Variants in OARD1 observed in about 807,000 individuals in gnomAD.
The protein encoded by OARD1 is O-acyl-ADP-ribose deacylase 1.
Under a neutral mutation model 19.7 loss-of-function variants are expected in OARD1, and 19 were observed. That is an observed-to-expected ratio of 0.96 (90% CI 0.67 to 1.41). The LOEUF (loss-of-function observed/expected upper bound fraction) is 1.41, where lower values mean the gene tolerates loss of function less well. OARD1 is among the 40% of genes most tolerant of loss of function. OARD1 has a pLI of 0.00. For synonymous variants in OARD1, 70 were observed against 61.8 expected, an observed-to-expected ratio of 1.13 and a Z score of -0.62; for missense variants, 190 against 183.8, an observed-to-expected ratio of 1.03 and a Z score of -0.20.
chr6:41,072,783 T>G (rs573846471), upstream of OARD1, among the ~76,000 whole-genome samples: 3 of 152,332 alleles, frequency 2.0e-5, no homozygotes, highest in African/African-American at 7.2e-5. Context: ...GGAAAGCGCC[T>G]GCGTATTCCT....
chr6:41,074,361 G>A (rs1420628765), upstream of OARD1, among the ~76,000 whole-genome samples: 1 of 152,166 alleles, frequency 6.6e-6, no homozygotes, highest in Non-Finnish European at 1.5e-5. Context: ...AGTACGTAGA[G>A]GTCAATAAGA....
chr6:41,069,947 T>C (rs1292271306), intron 4 of OARD1, 129 bp downstream of exon 4: 8 of 758,640 alleles, frequency 1.1e-5, no homozygotes, highest in South Asian at 2.9e-5. Flanking sequence ...AGGAAGCTTT[T>C]TGACATTCTT....
At chr6:41,073,392 C>G (rs1582014717), upstream of OARD1, among the ~76,000 whole-genome samples, 1 of 151,942 alleles carries the variant, frequency 6.6e-6, no homozygotes, top group African/African-American at 2.4e-5. Flanking sequence ...CGACTCAGGC[C>G]CAGGTTCTCA....
chr6:41,076,501 G>C (rs1449471389), upstream of OARD1, among the ~76,000 whole-genome samples: 1 of 152,182 alleles, frequency 6.6e-6, no homozygotes, highest in Non-Finnish European at 1.5e-5. Context: ...TTTCTGAAGA[G>C]GTTTTAGCTT....
At chr6:41,080,719 G>A (rs191717252) in intron 1 of OARD1, 10 of 1,038,654 alleles carry the variant, frequency 9.6e-6, no homozygotes, top group African/African-American at 7.8e-5. Context: ...TCAGGCTTCC[G>A]TCTCTCTCCT....
chr6:41,072,195 A>G (rs1477282667), intron 1 of OARD1, 41 bp downstream of exon 1: 1 of 154,726 alleles, frequency 6.5e-6, no homozygotes, highest in Non-Finnish European at 1.4e-5. Flanking sequence ...GCGTGGGAGA[A>G]GGAAAGAGTC....
Position 41,097,339 on chromosome 6 carries a change from T to C in OARD1, c.-42+374A>G, listed in dbSNP as rs369387499. On this transcript the variant is annotated intron_variant, in intron 1 of 4. Coordinates refer to the OARD1 transcript ENST00000480585. ...CTTTTGCAAAGGACTTTAATCATCATGTCATCTTTGTCTCTAGGATCCAAA... is the reference window on the plus strand; with the variant it reads ...CTTTTGCAAAGGACTTTAATCATCACGTCATCTTTGTCTCTAGGATCCAAA... The C allele has an allele frequency of 5.0e-6, 8 of 1,613,650 alleles. No homozygotes were observed. The African/African-American group carries it at 1.1e-4, about 22-fold the overall frequency.
At chr6:41,089,433 C>T in intron 1 of OARD1, 1 of 753,778 alleles carries the variant, frequency 1.3e-6, no homozygotes. Flanking sequence ...TAAGTTGTGT[C>T]TACTTCATAA....
At chr6:41,084,558 A>G (rs1361190066) in intron 1 of OARD1, among the ~76,000 whole-genome samples, 3 of 152,286 alleles carry the variant, frequency 2.0e-5, no homozygotes, top group African/African-American at 4.8e-5. Context: ...AAACTGACGT[A>G]TAGAAAGGAT....
intron 1 of OARD1, among the ~76,000 whole-genome samples, chr6:41,089,883 G>A (rs1169126488): frequency 6.6e-6 from 1 of 152,212 alleles, no homozygotes; most frequent in Non-Finnish European, 1.5e-5. Context: ...ACTTTGAGAG[G>A]CCGAGGCAAG....
rs750433749 is a variant in OARD1 at position 41,071,637 on chromosome 6, T to C, written c.-3A>G. 9.9e-6 allele frequency: 16 copies of C among 1,612,818 alleles called. 1 individual carries two copies. The highest frequency in any genetic ancestry group is 3.3e-5 in the South Asian group (3 of 91,058). On this transcript the variant is annotated 5_prime_UTR_variant, in exon 2 of 6. Coordinates refer to ENST00000424266, the MANE Select transcript of OARD1 (RefSeq NM_001329686.2). ...TCTTCATTAAGGCTGCTGGCCATGA[T>C]ACTGAGTCGCTATTTCCAGAATTTA...
chr6:41,085,248 G>A (rs1178673695), intron 1 of OARD1, among the ~76,000 whole-genome samples: 2 of 152,286 alleles, frequency 1.3e-5, no homozygotes, highest in Admixed American at 6.5e-5. Context: ...AGCATCAATA[G>A]TAGGGGGAAA....
intron 1 of OARD1, among the ~76,000 whole-genome samples, chr6:41,089,024 C>T (rs551216839): frequency 4.6e-5 from 7 of 152,040 alleles, no homozygotes; most frequent in South Asian, 2.1e-4. Context: ...CTCGCTCTGT[C>T]GCCCAGGCTG....
rs141362704 is a variant in OARD1, at chr6:41,083,348, A to G, written c.-41-11673T>C. Among the ~76,000 whole-genome samples the G allele has an allele frequency of 3.1e-4, 47 of 152,310 alleles. No individual in the cohort carries two copies. The East Asian group carries it at 7.3e-3, about 24-fold the overall frequency. ...TGATAAAGCTAAAATAACCATGTGGATATTATAGAGGCCAGTGAGGAATTC... is the reference window on the plus strand; with the variant it reads ...TGATAAAGCTAAAATAACCATGTGGGTATTATAGAGGCCAGTGAGGAATTC... On this transcript the variant is annotated intron_variant, in intron 1 of 4. Coordinates refer to the OARD1 transcript ENST00000480585.
At chr6:41,079,027 A>G in intron 1 of OARD1, 1 of 1,458,674 alleles carries the variant, frequency 6.9e-7, no homozygotes, top group South Asian at 1.2e-5. Context: ...CCTTTCTAAC[A>G]GGAGTGTACC....
In OARD1 at chr6:41,091,436, T is replaced by A. The variant is rs1764194660; in HGVS notation, c.-42+6277A>T. On this transcript the variant is annotated intron_variant, in intron 1 of 4. Coordinates refer to the OARD1 transcript ENST00000480585. ...AGTGTGTTTTGCCAGGATCGGTGAG[T>A]GTATACCAGATAGAAGAGGGACTAA... 2.3e-6 allele frequency: 3 copies of A among 1,284,396 alleles called. No homozygotes were observed. The African/African-American group carries it at 4.4e-5, about 19-fold the overall frequency. The allele number at this position is 1,284,396 out of a possible 1,614,324, so 79.6% of individuals were successfully genotyped here. A position where few individuals can be genotyped will look rare whatever the true frequency, so the allele number is the denominator to read the frequency against.
intron 1 of OARD1, among the ~76,000 whole-genome samples, chr6:41,092,470 T>TA (rs1368392269): frequency 2.0e-5 from 3 of 152,246 alleles, no homozygotes; most frequent in African/African-American, 7.2e-5. Context: ...TACTTGTTTT[T>TA]ACCTACATTT....
In OARD1 at chr6:41,071,983, T is replaced by C. The variant is rs1763446153; in HGVS notation, c.-42+253A>G. On this transcript the variant is annotated intron_variant, in intron 1 of 5. Coordinates refer to ENST00000424266, the MANE Select transcript of OARD1 (RefSeq NM_001329686.2). ...CAGGGCCACTCCGGAGCAAGGCCGA[T>C]TTAGGACGGTCTCCTTTTCTCTGCA... 11 of 345,252 alleles carry C rather than the reference T, an allele frequency of 3.2e-5. No homozygotes were observed. The South Asian group carries it at 4.6e-4, about 14-fold the overall frequency. The allele number at this position is 345,252 out of a possible 1,614,324, so 21.4% of individuals were successfully genotyped here.
chr6:41,070,184 G>A, intron 3 of OARD1, 50 bp from the exon 4 acceptor site: 1 of 951,892 alleles, frequency 1.1e-6, no homozygotes, highest in Admixed American at 2.1e-5. Flanking sequence ...ACCAAACACT[G>A]ATCTCTAAAG....
Sources: allele counts gnomAD v4.1 joint callset (sites outside exome capture counted in the v4.1 genomes callset), GRCh38; gene constraint gnomAD v4.1.1; transcripts MANE v1.5; gene names NCBI Gene and HGNC (gene_info 2026-07-23, HGNC 2026-07-21).